DNASE1: variants seen among roughly 807,000 people sequenced by gnomAD.
DNASE1 encodes deoxyribonuclease-1.
A neutral mutation model predicts 33.9 loss-of-function variants in DNASE1; 40 were observed. The observed-to-expected ratio is 1.18, with a 90% confidence interval of 0.92 to 1.54. DNASE1 has a LOEUF of 1.54. Among genes scored for constraint, DNASE1 ranks in the 40% most tolerant of loss-of-function variants. DNASE1 has a pLI of 0.00. For synonymous variants in DNASE1, 216 were observed against 160.0 expected (o/e 1.35, Z -2.64); for missense variants, 518 against 372.6 (o/e 1.39, Z -3.21).
intron 1 of DNASE1, among the ~76,000 whole-genome samples, chr16:3,631,405 A>G (rs1021885081): frequency 2.0e-5 from 3 of 152,124 alleles, no homozygotes; most frequent in Admixed American, 6.6e-5. Flanking sequence ...GGGTTTCACC[A>G]TATTGGTCAG....
downstream of DNASE1, chr16:3,663,047 C>T: frequency 2.8e-6 from 3 of 1,072,736 alleles, no homozygotes; most frequent in Non-Finnish European, 1.3e-6. Flanking sequence ...AGCATGCTTC[C>T]AGCTCCCACC....
chr16:3,630,267 A>C (rs1374994268), intron 1 of DNASE1, among the ~76,000 whole-genome samples: 5 of 149,992 alleles, frequency 3.3e-5, no homozygotes, highest in African/African-American at 1.2e-4. Flanking sequence ...TGCAGCCTCG[A>C]CCTCCCAGGC....
At chr16:3,632,680 G>T (rs566618593) in intron 1 of DNASE1, among the ~76,000 whole-genome samples, 81 of 151,864 alleles carry the variant, frequency 5.3e-4, no homozygotes, top group Non-Finnish European at 1.1e-3. Flanking sequence ...CCAACTCCTG[G>T]GTTCAAGCAA....
At chr16:3,658,853 G>A (rs756385239), downstream of DNASE1, 1 of 1,614,068 alleles carries the variant, frequency 6.2e-7, no homozygotes, top group South Asian at 1.1e-5. Flanking sequence ...TCAGCTTCTT[G>A]ATGAGCGCGT....
At chr16:3,644,439 T>C (rs879264423) in intron 1 of DNASE1, among the ~76,000 whole-genome samples, 1 of 152,098 alleles carries the variant, frequency 6.6e-6, no homozygotes, top group Non-Finnish European at 1.5e-5. Context: ...GGCGGGTACC[T>C]GTAATCCCAG....
intron 1 of DNASE1, among the ~76,000 whole-genome samples, chr16:3,625,299 C>CT (rs1389992334): frequency 2.0e-5 from 3 of 152,008 alleles, no homozygotes; most frequent in Non-Finnish European, 4.4e-5. Flanking sequence ...GAGTGAGACT[C>CT]TGTCTCCAAA....
chr16:3,627,217 G>T (rs1185221084), intron 1 of DNASE1, among the ~76,000 whole-genome samples: 1 of 150,480 alleles, frequency 6.6e-6, no homozygotes, highest in Non-Finnish European at 1.5e-5. Context: ...TACTTTGCTT[G>T]TTTGACATTA....
upstream of DNASE1, among the ~76,000 whole-genome samples, chr16:3,650,237 C>G (rs922056448): frequency 2.6e-5 from 4 of 152,126 alleles, no homozygotes; most frequent in African/African-American, 9.7e-5. Context: ...ACTCTAGCAT[C>G]GTCTAAATCT....
At chr16:3,635,260 C>G (rs572348520) in intron 1 of DNASE1, among the ~76,000 whole-genome samples, 7 of 152,040 alleles carry the variant, frequency 4.6e-5, no homozygotes, top group Non-Finnish European at 8.8e-5. Context: ...GAGTTCAAGA[C>G]CAGCCTGGCC....
In DNASE1 at chr16:3,655,366, C is replaced by T. The variant is rs376685545; in HGVS notation, c.-1-7C>T. On this transcript the variant is annotated splice_polypyrimidine_tract_variant and splice_region_variant and intron_variant, in intron 1 of 8. Coordinates refer to ENST00000246949, the MANE Select transcript of DNASE1 (RefSeq NM_005223.4). ...CTGTTATGTCTCTGTGCCCTGTGCT[C>T]TCCCAGGATGAGGGGCATGAAGCTG... is the stretch of plus-strand genomic sequence containing the variant. 3.1e-6 allele frequency: 5 copies of T among 1,614,092 alleles called. No homozygotes were observed. The highest frequency in any genetic ancestry group is 2.2e-5 in the East Asian group (1 of 44,886).
intron 1 of DNASE1, among the ~76,000 whole-genome samples, chr16:3,624,383 A>G (rs1199963346): frequency 1.3e-5 from 2 of 152,070 alleles, no homozygotes; most frequent in Admixed American, 6.6e-5. Flanking sequence ...TTATTTTTAC[A>G]TTAAAATTGT....
Position 3,654,934 on chromosome 16 carries a change from A to G in DNASE1, c.-112A>G. On this transcript the variant is annotated 5_prime_UTR_variant, in exon 1 of 9. Coordinates refer to ENST00000246949, the MANE Select transcript of DNASE1 (RefSeq NM_005223.4). ...AGTGCTTCTTCAGAGACCTTTCTTC[A>G]TAGACTACTTTTTTTTCTTTAAGCA... 2.2e-6 allele frequency: 1 copy of G among 460,416 alleles called. No individual in the cohort carries two copies. The highest frequency in any genetic ancestry group is 3.8e-6 in the Non-Finnish European group (1 of 263,590). The allele number at this position is 460,416 out of a possible 1,614,324, so 28.5% of individuals were successfully genotyped here.
chr16:3,658,033 A>G lies in DNASE1; in HGVS notation c.*80A>G, dbSNP rs901951505. On this transcript the variant is annotated 3_prime_UTR_variant, in exon 9 of 9. Coordinates refer to ENST00000246949, the MANE Select transcript of DNASE1 (RefSeq NM_005223.4). Reference sequence around the variant, plus strand: ...AGGACCCAGAAAAAAAGCCCAACACACACTCGGGTTAAGAAATACCTTTAA... The same window carrying G: ...AGGACCCAGAAAAAAAGCCCAACACGCACTCGGGTTAAGAAATACCTTTAA... 1 of 1,608,830 alleles carries G rather than the reference A, an allele frequency of 6.2e-7. No homozygotes were observed. Among genetic ancestry groups the G allele is most frequent in the Non-Finnish European group, 8.5e-7 (1 of 1,176,886 alleles).
At chr16:3,632,833 G>A (rs952081321) in intron 1 of DNASE1, among the ~76,000 whole-genome samples, 4 of 152,062 alleles carry the variant, frequency 2.6e-5, no homozygotes, top group African/African-American at 4.8e-5. Flanking sequence ...TGATCCGCCC[G>A]CCTCAGACTC....
chr16:3,615,628 A>C (rs2041074303), intron 1 of DNASE1, among the ~76,000 whole-genome samples: 1 of 152,188 alleles, frequency 6.6e-6, no homozygotes, highest in Non-Finnish European at 1.5e-5. Context: ...TGTTTGGTAA[A>C]CCTTACAGGG....
intron 1 of DNASE1, among the ~76,000 whole-genome samples, chr16:3,615,433 A>T (rs1218285266): frequency 6.6e-6 from 1 of 152,150 alleles, no homozygotes; most frequent in Non-Finnish European, 1.5e-5. Flanking sequence ...GTTAGTTAGA[A>T]GTCACCCAGT....
At chr16:3,651,149 C>G (rs2042324874), upstream of DNASE1, 1 of 152,228 alleles carries the variant, frequency 6.6e-6, no homozygotes, top group Non-Finnish European at 1.5e-5. Flanking sequence ...TGTCGTTGCA[C>G]AAAGCCACGG....
Position 3,654,942 on chromosome 16 carries a change from C to A in DNASE1, c.-104C>A, listed in dbSNP as rs1308764275. On this transcript the variant is annotated 5_prime_UTR_variant, in exon 1 of 9. Coordinates refer to ENST00000246949, the MANE Select transcript of DNASE1 (RefSeq NM_005223.4). The stretch of plus-strand genomic sequence containing the variant: ...TTCAGAGACCTTTCTTCATAGACTA[C>A]TTTTTTTTCTTTAAGCAGCAAAAGG... 11 of 461,694 alleles carry A rather than the reference C, an allele frequency of 2.4e-5. No individual in the cohort carries two copies. The highest frequency in any genetic ancestry group is 3.8e-5 in the Non-Finnish European group (10 of 264,374). 28.6% of individuals were successfully genotyped at this position (461,694 alleles called of 1,614,324 possible). A position where few individuals can be genotyped will look rare whatever the true frequency, so the allele number is the denominator to read the frequency against.
upstream of DNASE1, chr16:3,641,246 A>G (rs1265883213): frequency 6.7e-6 from 2 of 296,842 alleles, no homozygotes; most frequent in Non-Finnish European, 1.2e-5. Flanking sequence ...AGGTGAGTGG[A>G]CGCATTTACG....
Sources: gnomAD v4.1 joint callset for allele counts (sites outside exome capture counted in the v4.1 genomes callset) on GRCh38, gnomAD v4.1.1 for gene constraint, MANE v1.5 for transcripts, NCBI Gene and HGNC (gene_info 2026-07-23, HGNC 2026-07-21) for gene names.